Variants in ALG9 observed in about 807,000 individuals in gnomAD.
The protein encoded by ALG9 is ALG9 alpha-1,2-mannosyltransferase.
A neutral mutation model predicts 81.8 loss-of-function variants in ALG9; 55 were observed. The ratio of observed to expected loss-of-function variants is 0.67; its 90% CI spans 0.54 to 0.84. ALG9 has a LOEUF of 0.84. ALG9 is among the 40% of genes least tolerant of loss of function. The probability of loss-of-function intolerance (pLI) is 0.00; values close to 1 mark genes in which losing one functional copy is unlikely to be tolerated. For synonymous variants in ALG9, 278 were observed against 274.3 expected (o/e 1.01, Z -0.13); for missense variants, 629 against 745.0 (o/e 0.84, Z 1.81).
intron 6 of ALG9, 137 bp downstream of exon 6, chr11:111,857,465 T>C: frequency 2.6e-6 from 3 of 1,132,400 alleles, no homozygotes; most frequent in Non-Finnish European, 2.6e-6. Flanking sequence ...CTAAGAGAAA[T>C]ATTCTTCCAT....
chr11:111,775,257 G>T, the ALG9 span, among the ~76,000 whole-genome samples: 22 of 152,308 alleles, frequency 1.4e-4, no homozygotes, highest in African/African-American at 5.3e-4. Flanking sequence ...CTCCCCTGAA[G>T]ATGGTATTCT....
chr11:111,861,906 T>C (rs1960293785), intron 4 of ALG9, among the ~76,000 whole-genome samples: 1 of 152,206 alleles, frequency 6.6e-6, no homozygotes, highest in Non-Finnish European at 1.5e-5. Flanking sequence ...ATATTCTTTT[T>C]TGGTCTTCTG....
At chr11:111,801,353 T>C (rs1297862817) in intron 14 of ALG9, among the ~76,000 whole-genome samples, 2 of 152,194 alleles carry the variant, frequency 1.3e-5, no homozygotes, top group East Asian at 1.9e-4. Flanking sequence ...TGTGGCAAAA[T>C]TGGCTGTGGC....
intron 14 of ALG9, among the ~76,000 whole-genome samples, chr11:111,804,132 CAAAAA>C (rs140492079): frequency 1.2e-5 from 1 of 85,364 alleles, no homozygotes; most frequent in African/African-American, 4.8e-5. Flanking sequence ...GACTCCATCT[CAAAAA>C]AAAAAAAAAA....
intron 5 of ALG9, among the ~76,000 whole-genome samples, chr11:111,859,507 A>G (rs570418354): frequency 6.6e-6 from 1 of 152,112 alleles, no homozygotes; most frequent in Non-Finnish European, 1.5e-5. Context: ...CTTGTCTCAA[A>G]AAAAAAGAAA....
At chr11:111,795,572 C>T (rs1948147950) in intron 14 of ALG9, among the ~76,000 whole-genome samples, 1 of 152,228 alleles carries the variant, frequency 6.6e-6, no homozygotes, top group African/African-American at 2.4e-5. Flanking sequence ...TTACTTTCAG[C>T]AGGCATGTTC....
At position 111,809,634 on chromosome 11, in the gene ALG9, G is replaced by A. The variant is rs374642818; in HGVS notation, c.1733+9C>T. The A allele has an allele frequency of 2.9e-5, 46 of 1,613,858 alleles. No individual in the cohort carries two copies. The African/African-American group carries it at 5.6e-4, about 20-fold the overall frequency. On this transcript the variant is annotated intron_variant, in intron 14 of 14. Transcript: ENST00000616540. ...TCCTGGAATATCCCATAGGATTAAA[G>A]CCACATACCTAGAAGCATCAAGGAA...
intron 10 of ALG9, among the ~76,000 whole-genome samples, chr11:111,839,169 TTATA>T (rs1365165825): frequency 6.6e-6 from 1 of 152,196 alleles, no homozygotes; most frequent in Non-Finnish European, 1.5e-5. Context: ...AATAATTACA[TTATA>T]TAAAGTCAAG....
intron 2 of ALG9, among the ~76,000 whole-genome samples, chr11:111,869,564 AAAACT>A (rs1386932043): frequency 2.0e-5 from 3 of 152,234 alleles, no homozygotes; most frequent in African/African-American, 7.2e-5. Flanking sequence ...GTTAACTTTA[AAAACT>A]ATCTCCAGGT....
intron 9 of ALG9, 115 bp from the exon 10 acceptor site, chr11:111,840,924 A>C: frequency 2.4e-6 from 3 of 1,235,040 alleles, no homozygotes; most frequent in Non-Finnish European, 3.5e-6. Context: ...ACTCCATAGA[A>C]TGTTTCTACT....
intron 14 of ALG9, among the ~76,000 whole-genome samples, chr11:111,793,790 T>C (rs1947834344): frequency 6.7e-6 from 1 of 149,730 alleles, no homozygotes; most frequent in Non-Finnish European, 1.5e-5. Context: ...GAAAGAGCAG[T>C]TGTGCACTGG....
chr11:111,827,974 C>G (rs113711919), intron 13 of ALG9, among the ~76,000 whole-genome samples: 1,710 of 150,944 alleles, frequency 0.011, 45 homozygotes, highest in African/African-American at 0.04. Context: ...GATTGCCTGA[C>G]GTCAGGCGTT....
intron 14 of ALG9, among the ~76,000 whole-genome samples, chr11:111,804,408 C>T (rs782347567): frequency 5.9e-5 from 9 of 152,064 alleles, no homozygotes; most frequent in Non-Finnish European, 1.2e-4. Context: ...GACTGTTATC[C>T]AAAATATACA....
intron 10 of ALG9, among the ~76,000 whole-genome samples, chr11:111,838,618 T>C (rs1955716869): frequency 1.3e-5 from 2 of 152,328 alleles, no homozygotes; most frequent in Admixed American, 6.5e-5. Context: ...ACTAGCTTCA[T>C]AGGAAAATTA....
chr11:111,776,625 C>T, the ALG9 span, among the ~76,000 whole-genome samples: 1 of 151,994 alleles, frequency 6.6e-6, no homozygotes, highest in East Asian at 1.9e-4. Context: ...ACCAAACCAA[C>T]AAACAAAATA....
At chr11:111,857,793 G>T in intron 5 of ALG9, 56 bp from the exon 6 acceptor site, 1 of 1,599,558 alleles carries the variant, frequency 6.3e-7, no homozygotes, top group South Asian at 1.1e-5. Context: ...AGGTTAATTA[G>T]GTATCAATTA....
the ALG9 span, among the ~76,000 whole-genome samples, chr11:111,775,537 A>T: frequency 6.6e-6 from 1 of 152,222 alleles, no homozygotes; most frequent in South Asian, 2.1e-4. Flanking sequence ...CCAGCTGCAT[A>T]CTGTTCTACT....
intron 4 of ALG9, among the ~76,000 whole-genome samples, chr11:111,861,322 C>G (rs911731383): frequency 3.9e-5 from 6 of 152,218 alleles, no homozygotes; most frequent in Non-Finnish European, 7.3e-5. Flanking sequence ...CATTTCCTAG[C>G]TCAGATTCCT....
chr11:111,770,776 C>T, the ALG9 span, among the ~76,000 whole-genome samples: 1 of 152,156 alleles, frequency 6.6e-6, no homozygotes, highest in Admixed American at 6.5e-5. Context: ...ACTACCAATA[C>T]AGTACTGTGG....
Sources: gnomAD v4.1 joint callset for allele counts (sites outside exome capture counted in the v4.1 genomes callset) on GRCh38, gnomAD v4.1.1 for gene constraint, MANE v1.5 for transcripts, NCBI Gene and HGNC (gene_info 2026-07-23, HGNC 2026-07-21) for gene names.